DHX15: variants seen among roughly 807,000 people sequenced by gnomAD.
DHX15 encodes the protein ATP-dependent RNA helicase DHX15.
In DHX15, 11 loss-of-function variants were observed where a neutral mutation model predicts 94.4. The observed-to-expected ratio is 0.12, with a 90% CI of 0.07 to 0.19. DHX15 has a LOEUF of 0.19. Among genes scored for constraint, DHX15 ranks in the 10% least tolerant of loss-of-function variants. The pLI is 1.00. For missense variants in DHX15, 304 were observed against 988.5 expected, an observed-to-expected ratio of 0.31 and a Z score of 9.29; for synonymous variants, 338 against 329.9, an observed-to-expected ratio of 1.02 and a Z score of -0.27.
At chr4:24,565,550 T>C (rs1721974177) in intron 3 of DHX15, among the ~76,000 whole-genome samples, 1 of 152,256 alleles carries the variant, frequency 6.6e-6, no homozygotes, top group Non-Finnish European at 1.5e-5. Context: ...CCACATCTGT[T>C]TCACCTTTAC....
intron 3 of DHX15, among the ~76,000 whole-genome samples, chr4:24,557,386 T>C (rs1259797702): frequency 6.6e-6 from 1 of 152,202 alleles, no homozygotes; most frequent in Admixed American, 6.5e-5. Context: ...TCTGAAGCCA[T>C]CATTTATGAA....
At chr4:24,574,611 G>A (rs1300489201) in intron 2 of DHX15, among the ~76,000 whole-genome samples, 1 of 152,090 alleles carries the variant, frequency 6.6e-6, no homozygotes, top group Admixed American at 6.6e-5. Context: ...AAGGTACAAA[G>A]TTTTAAATAT....
chr4:24,546,188 A>G (rs1352024321), intron 6 of DHX15, among the ~76,000 whole-genome samples: 1 of 152,204 alleles, frequency 6.6e-6, no homozygotes, highest in Non-Finnish European at 1.5e-5. Context: ...ATTTGCTTAT[A>G]AACATCCCAG....
At chr4:24,565,610 C>A (rs115405249) in intron 3 of DHX15, among the ~76,000 whole-genome samples, 3,103 of 152,268 alleles carry the variant, frequency 0.02, 63 homozygotes, top group Admixed American at 0.028. Flanking sequence ...TGACAAGTCA[C>A]GTCAAGGTTT....
chr4:24,545,854 C>A (rs905096808), intron 6 of DHX15, among the ~76,000 whole-genome samples: 1 of 152,130 alleles, frequency 6.6e-6, no homozygotes, highest in African/African-American at 2.4e-5. Flanking sequence ...CTGCAGTAAG[C>A]GTTCAAAGAG....
At chr4:24,532,016 A>T (rs1721094640) in intron 12 of DHX15, among the ~76,000 whole-genome samples, 2 of 152,214 alleles carry the variant, frequency 1.3e-5, no homozygotes, top group African/African-American at 4.8e-5. Flanking sequence ...CGTGCTTAAA[A>T]GACACAGCCA....
At chr4:24,582,169 G>A (rs1722430756) in intron 1 of DHX15, among the ~76,000 whole-genome samples, 1 of 152,168 alleles carries the variant, frequency 6.6e-6, no homozygotes, top group Non-Finnish European at 1.5e-5. Flanking sequence ...TAAGTCCACT[G>A]TTAAATAAAA....
rs1721522158 is a variant in DHX15, at chr4:24,548,842, T to C, written c.1248+13A>G. 3.7e-6 allele frequency: 6 copies of C among 1,607,436 alleles called. No individual in the cohort carries two copies. Among genetic ancestry groups the C allele is most frequent in the Non-Finnish European group, 5.1e-6 (6 of 1,176,768 alleles). ...ATTAGTGAAATATTTATAAAGAGCA[T>C]TTCTAATGTTACCTTTCTTCCAATT... is the stretch of plus-strand genomic sequence containing the variant. On this transcript the variant is annotated intron_variant, in intron 6 of 13. Transcript: ENST00000336812.
In DHX15 at chr4:24,547,912, T is replaced by C. The variant is rs1310515105; in HGVS notation, c.1248+943A>G. ...CTCTATGTATGTATGTGTATATATATATATATATATATATATATATATATA... is the reference window on the plus strand; with the variant it reads ...CTCTATGTATGTATGTGTATATATACATATATATATATATATATATATATA... On this transcript the variant is annotated intron_variant, in intron 6 of 13. Coordinates refer to ENST00000336812, the MANE Select transcript of DHX15 (RefSeq NM_001358.3). Among the ~76,000 whole-genome samples, 6 of 28,980 alleles carry C rather than the reference T, an allele frequency of 2.1e-4. 1 individual carries two copies. In the Admixed American group the frequency reaches 3.2e-3, roughly 16 times the overall value. 19.0% of individuals were successfully genotyped at this position (28,980 alleles called of 152,430 possible). A position where few individuals can be genotyped will look rare whatever the true frequency, so the allele number is the denominator to read the frequency against.
In DHX15 at chr4:24,584,034, A is replaced by C. The variant is rs1025949024; in HGVS notation, c.71+289T>G. ...TTCACTCCCGCCCGACGCCCTCGCA[A>C]ATGACTCCCGCTCGGTTCGGCCTGG... On this transcript the variant is annotated intron_variant, in intron 1 of 13. Transcript: ENST00000336812. The C allele has an allele frequency of 1.1e-5, 5 of 449,140 alleles. No homozygotes were observed. The East Asian group carries it at 2.1e-4, about 19-fold the overall frequency. The allele number at this position is 449,140 out of a possible 1,614,324, so 27.8% of individuals were successfully genotyped here.
intron 6 of DHX15, 144 bp downstream of exon 6, chr4:24,548,711 G>T: frequency 1.3e-6 from 1 of 758,300 alleles, no homozygotes; most frequent in Non-Finnish European, 2.0e-6. Flanking sequence ...CAAGAGATAT[G>T]CGGAACCCTA....
intron 6 of DHX15, among the ~76,000 whole-genome samples, chr4:24,547,950 T>TATATATATATAC (rs1560766069): frequency 8.2e-5 from 1 of 12,204 alleles, no homozygotes; most frequent in African/African-American, 4.6e-4. Context: ...TATCTATATC[T>TATATATATATAC]ATATCTATAT....
intron 3 of DHX15, among the ~76,000 whole-genome samples, chr4:24,568,032 T>C (rs1397191320): frequency 1.3e-5 from 2 of 152,190 alleles, no homozygotes; most frequent in African/African-American, 4.8e-5. Flanking sequence ...AATTTATGAA[T>C]AGGTATCCCA....
intron 1 of DHX15, among the ~76,000 whole-genome samples, chr4:24,583,801 C>T (rs1056651046): frequency 6.6e-6 from 1 of 152,154 alleles, no homozygotes; most frequent in Non-Finnish European, 1.5e-5. Flanking sequence ...TCCCAGCCTA[C>T]ATTATGATCC....
intron 3 of DHX15, among the ~76,000 whole-genome samples, chr4:24,560,415 A>G (rs1271370414): frequency 6.8e-6 from 1 of 147,548 alleles, no homozygotes; most frequent in Admixed American, 6.9e-5. Flanking sequence ...GGATTAAATT[A>G]TTTAAACCAA....
chr4:24,583,239 C>T (rs1722508979), intron 1 of DHX15, among the ~76,000 whole-genome samples: 1 of 152,090 alleles, frequency 6.6e-6, no homozygotes, highest in Non-Finnish European at 1.5e-5. Context: ...TCAATGAAAA[C>T]ACACAAGGGA....
chr4:24,580,443 G>C (rs1236675412), intron 1 of DHX15, among the ~76,000 whole-genome samples: 6 of 150,962 alleles, frequency 4.0e-5, no homozygotes, highest in Admixed American at 1.3e-4. Flanking sequence ...ATAATAACAG[G>C]CACTGAAGTA....
chr4:24,540,752 AATAC>A, intron 9 of DHX15, 84 bp downstream of exon 9: 1 of 701,310 alleles, frequency 1.4e-6, no homozygotes. Context: ...AAATGTATTT[AATAC>A]ATATATTAAA....
chr4:24,536,172 T>C (rs1721193914), intron 11 of DHX15, among the ~76,000 whole-genome samples: 1 of 152,180 alleles, frequency 6.6e-6, no homozygotes, highest in South Asian at 2.1e-4. Flanking sequence ...TGACAAATGT[T>C]TTTCAGGTCA....
Sources: gnomAD v4.1 joint callset for allele counts (sites outside exome capture counted in the v4.1 genomes callset) on GRCh38, gnomAD v4.1.1 for gene constraint, MANE v1.5 for transcripts, NCBI Gene and HGNC (gene_info 2026-07-23, HGNC 2026-07-21) for gene names.